CLSTN2: variants seen among roughly 807,000 people sequenced by gnomAD.
CLSTN2 encodes the protein calsyntenin 2, also known as calsyntenin-2.
CLSTN2 carries 48 observed loss-of-function variants against 101.2 expected under a neutral mutation model. The ratio of observed to expected loss-of-function variants is 0.47; its 90% CI spans 0.38 to 0.60. The LOEUF (loss-of-function observed/expected upper bound fraction) is 0.60. CLSTN2 is among the 20% of genes least tolerant of loss of function. CLSTN2 has a pLI of 0.00. For synonymous variants in CLSTN2, 481 were observed against 463.6 expected (o/e 1.04, Z -0.48); for missense variants, 1,160 against 1,238.2 (o/e 0.94, Z 0.95).
chr3:140,099,870 T>C lies in CLSTN2; in HGVS notation c.110-76081T>C, dbSNP rs116686458. ...GATGGATTTAGGAGACTGGATCAGC[T>C]TCTGTTGGCCAGGCTCTGGGTCACC... On this transcript the variant is annotated intron_variant, in intron 1 of 16. Coordinates refer to ENST00000458420, the MANE Select transcript of CLSTN2 (RefSeq NM_022131.3). Among the ~76,000 whole-genome samples the C allele has an allele frequency of 3.3e-3, 495 of 152,296 alleles. 4 individuals carry two copies. Among genetic ancestry groups the C allele is most frequent in the African/African-American group, 0.011 (457 of 41,568 alleles).
In CLSTN2 at chr3:140,567,897, A is replaced by G. The variant is rs142405318; in HGVS notation, c.*1644A>G. 43 of 152,388 alleles carry G rather than the reference A, an allele frequency of 2.8e-4. No individual in the cohort carries two copies. Among genetic ancestry groups the G allele is most frequent in the African/African-American group, 8.4e-4 (35 of 41,594 alleles). The allele number at this position is 152,388 out of a possible 1,614,324, so 9.4% of individuals were successfully genotyped here. A position where few individuals can be genotyped will look rare whatever the true frequency, so the allele number is the denominator to read the frequency against. ...TCTGACCTCCACCCAGGGAGGACCC[A>G]TGGCAGGTCTTTTCAACTTTCTGAT... On this transcript the variant is annotated 3_prime_UTR_variant, in exon 17 of 17. Transcript: ENST00000458420.
rs144731846 is a variant in CLSTN2, at chr3:140,197,182, A to G, written c.232+21109A>G. Among the ~76,000 whole-genome samples, 98 of 152,284 alleles carry G rather than the reference A, an allele frequency of 6.4e-4. No homozygotes were observed. In the East Asian group the frequency reaches 0.016, roughly 25 times the overall value. On this transcript the variant is annotated intron_variant, in intron 2 of 16. Transcript: ENST00000458420. ...AGTCTCAGCTCACTGCTGCCAAGGT[A>G]GCTGTCCTCACTATGAAATGATTGT...
chr3:140,543,637 C>T (rs2107785365), intron 9 of CLSTN2, among the ~76,000 whole-genome samples: 1 of 152,320 alleles, frequency 6.6e-6, no homozygotes, highest in Non-Finnish European at 1.5e-5. Flanking sequence ...TGCCACTGCC[C>T]TTCTCCATGC....
At chr3:140,082,639 C>T (rs1024949219) in intron 1 of CLSTN2, among the ~76,000 whole-genome samples, 3 of 152,170 alleles carry the variant, frequency 2.0e-5, no homozygotes, top group Admixed American at 1.3e-4. Flanking sequence ...CTCATCCCCT[C>T]GTTGTGTTGC....
rs529106902 is a variant in CLSTN2, at chr3:140,147,126, G to A, written c.110-28825G>A. The stretch of plus-strand genomic sequence containing the variant: ...AGCAGAGGTCACAGTCCAATAGATA[G>A]TAACAAGGAAATACAAGACTACTTC... On this transcript the variant is annotated intron_variant, in intron 1 of 16. Coordinates refer to ENST00000458420, the MANE Select transcript of CLSTN2 (RefSeq NM_022131.3). Among the ~76,000 whole-genome samples, 3 of 152,334 alleles carry A rather than the reference G, an allele frequency of 2.0e-5. No homozygotes were observed. The East Asian group carries it at 5.8e-4, about 29-fold the overall frequency.
intron 2 of CLSTN2, among the ~76,000 whole-genome samples, chr3:140,223,945 G>C (rs2086297360): frequency 6.6e-6 from 1 of 152,156 alleles, no homozygotes; most frequent in African/African-American, 2.4e-5. Flanking sequence ...GCCGTCCTCT[G>C]TAGTGAAGAA....
At chr3:140,529,177 C>A (rs967333324) in intron 8 of CLSTN2, among the ~76,000 whole-genome samples, 1 of 152,200 alleles carries the variant, frequency 6.6e-6, no homozygotes, top group Non-Finnish European at 1.5e-5. Context: ...ACTGAAATTC[C>A]AGCACACTCC....
intron 1 of CLSTN2, among the ~76,000 whole-genome samples, chr3:140,082,250 T>G (rs2008610388): frequency 1.3e-5 from 2 of 152,232 alleles, no homozygotes; most frequent in African/African-American, 4.8e-5. Flanking sequence ...CTGGGGGCTC[T>G]TCTCCTGTGG....
At chr3:140,230,516 T>C (rs1302171919) in intron 2 of CLSTN2, among the ~76,000 whole-genome samples, 1 of 152,186 alleles carries the variant, frequency 6.6e-6, no homozygotes, top group African/African-American at 2.4e-5. Context: ...AATTAGGCCA[T>C]AAGGGCAGAG....
At chr3:140,290,913 C>T (rs2086940677) in intron 2 of CLSTN2, among the ~76,000 whole-genome samples, 1 of 152,118 alleles carries the variant, frequency 6.6e-6, no homozygotes, top group Non-Finnish European at 1.5e-5. Context: ...TGCAATGATG[C>T]CCTCCTTTAA....
intron 9 of CLSTN2, among the ~76,000 whole-genome samples, chr3:140,538,078 C>G (rs999733084): frequency 5.9e-5 from 6 of 101,606 alleles, no homozygotes; most frequent in Admixed American, 4.9e-4. Flanking sequence ...TAAGCACTTT[C>G]TCACAAAGCT....
chr3:140,383,849 A>C (rs541677455), intron 2 of CLSTN2, among the ~76,000 whole-genome samples: 2 of 152,368 alleles, frequency 1.3e-5, no homozygotes, highest in African/African-American at 2.4e-5. Context: ...GGGGAAATGA[A>C]GCATCCTATT....
chr3:140,264,881 G>A (rs1367575973), intron 2 of CLSTN2, among the ~76,000 whole-genome samples: 1 of 152,036 alleles, frequency 6.6e-6, no homozygotes, highest in African/African-American at 2.4e-5. Context: ...CACATTTATT[G>A]AGTGCTTTCT....
chr3:140,180,568 T>C (rs768529589), intron 2 of CLSTN2, among the ~76,000 whole-genome samples: 3 of 152,214 alleles, frequency 2.0e-5, no homozygotes. Context: ...CATGAACTTA[T>C]TAATTTCTAC....
chr3:140,101,025 G>A (rs1239284489), intron 1 of CLSTN2, among the ~76,000 whole-genome samples: 1 of 151,898 alleles, frequency 6.6e-6, no homozygotes, highest in African/African-American at 2.4e-5. Flanking sequence ...ACCCTGGTTG[G>A]AAAGAAGCAC....
At chr3:140,154,432 T>C (rs563141399) in intron 1 of CLSTN2, among the ~76,000 whole-genome samples, 1 of 152,078 alleles carries the variant, frequency 6.6e-6, no homozygotes, top group South Asian at 2.1e-4. Flanking sequence ...CTTTGGACTT[T>C]ATTCTAAGTG....
At chr3:140,175,058 T>A (rs1198401071) in intron 1 of CLSTN2, among the ~76,000 whole-genome samples, 1 of 152,226 alleles carries the variant, frequency 6.6e-6, no homozygotes, top group Non-Finnish European at 1.5e-5. Context: ...TACATATTTC[T>A]GTGCCACAAT....
At chr3:139,949,574 A>G (rs557159373) in intron 1 of CLSTN2, among the ~76,000 whole-genome samples, 413 of 152,310 alleles carry the variant, frequency 2.7e-3, no homozygotes, top group Non-Finnish European at 4.7e-3. Context: ...TGGGGAGCGG[A>G]AGCTAGATAG....
chr3:140,435,215 CT>C (rs1195945750), intron 5 of CLSTN2, among the ~76,000 whole-genome samples: 1 of 152,166 alleles, frequency 6.6e-6, no homozygotes, highest in Non-Finnish European at 1.5e-5. Flanking sequence ...TACCAACCCC[CT>C]ACCACCCTTC....
Sources: allele counts gnomAD v4.1 joint callset (sites outside exome capture counted in the v4.1 genomes callset), GRCh38; gene constraint gnomAD v4.1.1; transcripts MANE v1.5; gene names NCBI Gene and HGNC (gene_info 2026-07-23, HGNC 2026-07-21).